The following INO80 variants were observed in gnomAD, a reference collection of about 807,000 sequenced individuals.
INO80 encodes the protein chromatin-remodeling ATPase INO80.
Under a neutral mutation model 203.4 loss-of-function variants are expected in INO80, and 20 were observed. The observed-to-expected ratio is 0.10, with a 90% CI of 0.07 to 0.14. INO80 has a LOEUF of 0.14. Ranked by LOEUF, INO80 falls within the 10% of genes least tolerant of loss-of-function variation. INO80 has a pLI of 1.00. For missense variants in INO80, 1,419 were observed against 1,914.4 expected (o/e 0.74, Z 4.83); for synonymous variants, 726 against 685.2 (o/e 1.06, Z -0.93).
chr15:40,989,917 CTCT>C (rs138166861), intron 29 of INO80, among the ~76,000 whole-genome samples: 17 of 152,180 alleles, frequency 1.1e-4, no homozygotes, highest in Admixed American at 6.5e-5. Flanking sequence ...AATCCCAAAA[CTCT>C]TCTTTATTGG....
At chr15:41,085,801 C>A (rs1047951424) in intron 6 of INO80, among the ~76,000 whole-genome samples, 1 of 152,224 alleles carries the variant, frequency 6.6e-6, no homozygotes, top group South Asian at 2.1e-4. Flanking sequence ...GAAAAGAACA[C>A]TGGATACTCA....
chr15:40,990,425 A>T (rs1454915789), intron 29 of INO80, among the ~76,000 whole-genome samples: 2 of 152,116 alleles, frequency 1.3e-5, no homozygotes, highest in Non-Finnish European at 2.9e-5. Flanking sequence ...CAGTGGCATG[A>T]TCTTGGCTCA....
chr15:41,080,091 T>A (rs1371565008), intron 8 of INO80, among the ~76,000 whole-genome samples, 187 bp from the exon 9 acceptor site: 3 of 152,162 alleles, frequency 2.0e-5, no homozygotes, highest in Admixed American at 1.3e-4. Flanking sequence ...TGTGGTATTA[T>A]CAGGGATAAG....
At chr15:41,039,487 A>G (rs2044635716) in intron 24 of INO80, among the ~76,000 whole-genome samples, 1 of 152,236 alleles carries the variant, frequency 6.6e-6, no homozygotes, top group East Asian at 1.9e-4. Flanking sequence ...GCACAGGGAT[A>G]ATGATTGTTA....
At chr15:41,049,247 A>G in intron 21 of INO80, 40 bp downstream of exon 21, 1 of 1,536,804 alleles carries the variant, frequency 6.5e-7, no homozygotes, top group Non-Finnish European at 8.8e-7. Context: ...ACTGTAAATT[A>G]TAAAACACTA....
chr15:41,018,170 G>C (rs112193284), intron 26 of INO80: 1 of 151,892 alleles, frequency 6.6e-6, no homozygotes, highest in Non-Finnish European at 1.5e-5. Flanking sequence ...GAGTGAGGGT[G>C]GGCAAGCTAA....
At chr15:41,109,610 A>T (rs1315023376) in intron 1 of INO80, among the ~76,000 whole-genome samples, 1 of 151,880 alleles carries the variant, frequency 6.6e-6, no homozygotes, top group Non-Finnish European at 1.5e-5. Context: ...CAGCCTGGCT[A>T]ACATGGTGAA....
At chr15:41,114,872 G>T (rs2046007247) in intron 1 of INO80, among the ~76,000 whole-genome samples, 1 of 152,156 alleles carries the variant, frequency 6.6e-6, no homozygotes, top group South Asian at 2.1e-4. Flanking sequence ...TAAGACTGGA[G>T]GGAGGGGGAA....
chr15:41,036,949 G>A (rs2044585955), intron 24 of INO80, among the ~76,000 whole-genome samples: 2 of 151,858 alleles, frequency 1.3e-5, no homozygotes, highest in South Asian at 2.1e-4. Flanking sequence ...CTAAAAATAC[G>A]AAAATTAGCC....
chr15:40,999,859 G>C (rs565029089), intron 28 of INO80, among the ~76,000 whole-genome samples: 1 of 152,268 alleles, frequency 6.6e-6, no homozygotes, highest in South Asian at 2.1e-4. Flanking sequence ...GGAAGGCTGA[G>C]GTGTGAGGAT....
At chr15:41,075,303 CTG>C (rs1209421372) in intron 9 of INO80, among the ~76,000 whole-genome samples, 2 of 149,422 alleles carry the variant, frequency 1.3e-5, no homozygotes, top group African/African-American at 5.0e-5. Flanking sequence ...ACAAGTCTAA[CTG>C]TGTGGGCCAG....
At chr15:40,983,160 G>T in intron 34 of INO80, 83 bp from the exon 35 acceptor site, 1 of 1,158,092 alleles carries the variant, frequency 8.6e-7, no homozygotes, top group Non-Finnish European at 1.2e-6. Context: ...CTCCTGACAG[G>T]GAAAGCGAGC....
chr15:41,097,781 CAAAAATACT>C (rs942499689), intron 1 of INO80, among the ~76,000 whole-genome samples: 3 of 151,584 alleles, frequency 2.0e-5, no homozygotes, highest in Non-Finnish European at 4.4e-5. Flanking sequence ...GCCTAAAATA[CAAAAATACT>C]AAAAATACAA....
intron 27 of INO80, among the ~76,000 whole-genome samples, chr15:41,006,263 T>A (rs768150255): frequency 7.4e-4 from 113 of 152,198 alleles, no homozygotes; most frequent in Non-Finnish European, 1.4e-3. Flanking sequence ...TTACAACTTT[T>A]AAGAATGAAG....
intron 28 of INO80, chr15:41,004,978 T>G (rs900318464): frequency 6.6e-6 from 1 of 152,144 alleles, no homozygotes; most frequent in Non-Finnish European, 1.5e-5. Context: ...GTGGATCACT[T>G]GAGCCCAGGA....
intron 22 of INO80, among the ~76,000 whole-genome samples, chr15:41,047,838 G>A (rs1424379409): frequency 6.6e-6 from 1 of 152,248 alleles, no homozygotes; most frequent in East Asian, 1.9e-4. Context: ...CTGAACCTTG[G>A]CCTTAATATT....
chr15:40,996,388 T>A (rs1596243202), intron 29 of INO80, among the ~76,000 whole-genome samples: 1 of 152,170 alleles, frequency 6.6e-6, no homozygotes, highest in Non-Finnish European at 1.5e-5. Context: ...AGTGGCATGA[T>A]CTTGGCTCAC....
chr15:41,012,904 G>T (rs975512029), intron 27 of INO80: 1 of 152,070 alleles, frequency 6.6e-6, no homozygotes, highest in African/African-American at 2.4e-5. Flanking sequence ...TTTACCCAAG[G>T]GAAAAAGGAA....
chr15:41,058,573 G>A, intron 16 of INO80, 66 bp downstream of exon 16: 2 of 392,606 alleles, frequency 5.1e-6, no homozygotes, highest in Non-Finnish European at 7.6e-6. Flanking sequence ...GTGTGTGCGT[G>A]TGTGTGTGTG....
Sources: gnomAD v4.1 joint callset for allele counts (sites outside exome capture counted in the v4.1 genomes callset) on GRCh38, gnomAD v4.1.1 for gene constraint, MANE v1.5 for transcripts, NCBI Gene and HGNC (gene_info 2026-07-23, HGNC 2026-07-21) for gene names.